The following MYH9 variants were observed in gnomAD, a reference collection of about 807,000 sequenced individuals.
MYH9 encodes myosin-9.
MYH9 carries 29 observed loss-of-function variants against 241.9 expected under a neutral mutation model. That is an observed-to-expected ratio of 0.12 (90% CI 0.09 to 0.16). MYH9 has a LOEUF of 0.16. Among genes scored for constraint, MYH9 ranks in the 10% least tolerant of loss-of-function variants. The pLI is 1.00. For missense variants in MYH9, 1,803 were observed against 2,595.5 expected (o/e 0.69, Z 6.63); for synonymous variants, 1,047 against 1,062.6 (o/e 0.99, Z 0.29).
chr22:36,302,308 C>T (rs1035409439), intron 20 of MYH9: 2 of 416,754 alleles, frequency 4.8e-6, no homozygotes, highest in East Asian at 4.7e-5. Flanking sequence ...TTTTTAAAGG[C>T]CAGGAAGGTC....
intron 3 of MYH9, among the ~76,000 whole-genome samples, chr22:36,334,656 C>G (rs1233803897): frequency 6.6e-6 from 1 of 152,188 alleles, no homozygotes; most frequent in Non-Finnish European, 1.5e-5. Flanking sequence ...ATTAAGCGAG[C>G]AGGAGTGTGG....
At chr22:36,371,307 T>C (rs539085236) in intron 1 of MYH9, among the ~76,000 whole-genome samples, 12 of 152,214 alleles carry the variant, frequency 7.9e-5, no homozygotes, top group African/African-American at 2.6e-4. Flanking sequence ...CTGGTGTCCT[T>C]ATAAGACGAG....
chr22:36,294,158 C>A lies in MYH9; in HGVS notation c.3771G>T (p.Leu1257=). 1 of 1,613,268 alleles carries A rather than the reference C, an allele frequency of 6.2e-7. No homozygotes were observed. The highest frequency in any genetic ancestry group is 1.1e-5 in the South Asian group (1 of 91,086). ...RKKVEAQLQE[L]QVKFNEGERV... ...GCTCTCCCTCGTTGAACTTGACCTG[C>A]AGCTCCTGCAGCTGCGCCTCCACTT... Residue 1257 remains leucine, a synonymous_variant, in exon 28 of 41, where the codon CTG becomes CTT. Transcript: ENST00000216181.
At position 36,299,077 on chromosome 22, in the gene MYH9, G is replaced by C. The variant is rs16996650; in HGVS notation, c.2977-35C>G. The C allele has an allele frequency of 0.032, 52,055 of 1,613,042 alleles. 1,175 individuals carry two copies. Among genetic ancestry groups the C allele is most frequent in the East Asian group, 0.1 (4,684 of 44,856 alleles). ...GGGGAGTAGGCTGGCATTTAGTGTTGGTTGAGCACAGAACACTTGCTAGCC... is the reference window on the plus strand; with the variant it reads ...GGGGAGTAGGCTGGCATTTAGTGTTCGTTGAGCACAGAACACTTGCTAGCC... On this transcript the variant is annotated intron_variant, in intron 23 of 40. Transcript: ENST00000216181.
At chr22:36,387,147 C>G (rs1478172332) in intron 1 of MYH9, among the ~76,000 whole-genome samples, 2 of 152,142 alleles carry the variant, frequency 1.3e-5, no homozygotes, top group African/African-American at 4.8e-5. Context: ...TCCCCCTTGT[C>G]CGGGCAGCCG....
intron 1 of MYH9, among the ~76,000 whole-genome samples, chr22:36,355,179 A>G (rs2017836469): frequency 6.6e-6 from 1 of 152,208 alleles, no homozygotes; most frequent in Non-Finnish European, 1.5e-5. Context: ...TCCAACTCCA[A>G]GAAACCCAAG....
chr22:36,370,300 A>G (rs1057253311), intron 1 of MYH9, among the ~76,000 whole-genome samples: 1 of 152,212 alleles, frequency 6.6e-6, no homozygotes, highest in Non-Finnish European at 1.5e-5. Context: ...GAGGCTCAGA[A>G]GCCAAAGAAA....
intron 2 of MYH9, 81 bp from the exon 3 acceptor site, chr22:36,341,607 CG>C (rs1569536488): frequency 1.3e-5 from 20 of 1,527,280 alleles, no homozygotes. Flanking sequence ...AAAATATCTG[CG>C]GCTTCAAAGG....
chr22:36,289,788 T>A (rs571519290), intron 31 of MYH9, among the ~76,000 whole-genome samples: 5 of 152,232 alleles, frequency 3.3e-5, no homozygotes, highest in African/African-American at 9.6e-5. Context: ...TTCCCCACCT[T>A]CCCTTCCTTT....
intron 4 of MYH9, 122 bp from the exon 5 acceptor site, chr22:36,326,783 T>C (rs915733263): frequency 1.2e-6 from 1 of 819,074 alleles, no homozygotes; most frequent in Non-Finnish European, 2.1e-6. Context: ...ACCCAACGTG[T>C]GGCAGAAAAC....
intron 1 of MYH9, among the ~76,000 whole-genome samples, chr22:36,353,102 CGTGTGTGTGTGTGTGT>C (rs71323001): frequency 5.6e-5 from 8 of 142,876 alleles, no homozygotes; most frequent in African/African-American, 1.9e-4. Context: ...CCTCTGGGGG[CGTGTGTGTGTGTGTGT>C]GTGTGTGTGT....
At chr22:36,353,102 CGTGTGTGT>C (rs71323001) in intron 1 of MYH9, among the ~76,000 whole-genome samples, 88 of 142,942 alleles carry the variant, frequency 6.2e-4, no homozygotes, top group Admixed American at 4.0e-3. Context: ...CCTCTGGGGG[CGTGTGTGT>C]GTGTGTGTGT....
intron 13 of MYH9, among the ~76,000 whole-genome samples, chr22:36,313,270 T>C (rs1313193541): frequency 6.6e-6 from 1 of 150,444 alleles, no homozygotes; most frequent in Admixed American, 6.6e-5. Context: ...GAGACCACGG[T>C]GAAACTCCGC....
chr22:36,307,259 G>A (rs2016984787), intron 15 of MYH9, among the ~76,000 whole-genome samples: 1 of 152,144 alleles, frequency 6.6e-6, no homozygotes, highest in Admixed American at 6.6e-5. Context: ...GTCTCCTGGT[G>A]CACGGGTCTT....
intron 18 of MYH9, 53 bp from the exon 19 acceptor site, chr22:36,304,208 T>C: frequency 1.2e-6 from 2 of 1,601,470 alleles, no homozygotes; most frequent in Non-Finnish European, 1.7e-6. Flanking sequence ...CACAGCTCCA[T>C]GAAAGGGTGG....
chr22:36,382,074 C>G (rs550242582), intron 1 of MYH9, among the ~76,000 whole-genome samples: 1 of 152,142 alleles, frequency 6.6e-6, no homozygotes, highest in African/African-American at 2.4e-5. Flanking sequence ...GCAATCCTCC[C>G]CCATTGGCCT....
chr22:36,307,231 G>A (rs2016984335), intron 15 of MYH9, among the ~76,000 whole-genome samples: 2 of 152,102 alleles, frequency 1.3e-5, no homozygotes, highest in Admixed American at 1.3e-4. Flanking sequence ...ATCTCTTCAC[G>A]TACTTGTATT....
Position 36,286,749 on chromosome 22 carries a change from C to G in MYH9, c.5030G>C (p.Ser1677Thr). ...CAACTGGATCATCTCGGCCTCCATG[C>G]TCTTCAGCTTCTTCTCGTTCTCTTT... ...QAKENEKKLK[S>T]MEAEMIQLQE... The change falls in exon 35 of 41, where the codon AGC becomes ACC. Residue 1677 changes from serine to threonine, a missense_variant. Ser to Thr is a moderately conservative substitution (Grantham distance 58). Transcript: ENST00000216181. 6.2e-7 allele frequency: 1 copy of G among 1,613,286 alleles called. No homozygotes were observed. The highest frequency in any genetic ancestry group is 1.1e-5 in the South Asian group (1 of 91,092).
intron 40 of MYH9, among the ~76,000 whole-genome samples, chr22:36,283,225 T>G (rs1241820224): frequency 1.3e-5 from 2 of 152,094 alleles, no homozygotes; most frequent in Non-Finnish European, 2.9e-5. Flanking sequence ...CAATACTGAC[T>G]ACTTATGCTT....
Sources: gnomAD v4.1 joint callset for allele counts (sites outside exome capture counted in the v4.1 genomes callset) on GRCh38, gnomAD v4.1.1 for gene constraint, MANE v1.5 for transcripts, NCBI Gene and HGNC (gene_info 2026-07-23, HGNC 2026-07-21) for gene names.